VPS13A: variants seen among roughly 807,000 people sequenced by gnomAD.
The protein encoded by VPS13A is intermembrane lipid transfer protein VPS13A.
In VPS13A, 264 loss-of-function variants were observed where a neutral mutation model predicts 390.9. The observed-to-expected ratio is 0.68, with a 90% CI of 0.61 to 0.75. The LOEUF is 0.75. Among genes scored for constraint, VPS13A ranks in the 30% least tolerant of loss-of-function variants. The probability of loss-of-function intolerance (pLI) is 0.00; values close to 1 mark genes in which losing one functional copy is unlikely to be tolerated. For synonymous variants in VPS13A, 1,231 were observed against 1,227.1 expected (o/e 1.00, Z -0.07); for missense variants, 3,409 against 3,733.9 (o/e 0.91, Z 2.27).
intron 17 of VPS13A, among the ~76,000 whole-genome samples, chr9:77,231,118 A>G (rs1823807078): frequency 6.6e-6 from 1 of 152,102 alleles, no homozygotes; most frequent in East Asian, 1.9e-4. Context: ...CATTAGTTCA[A>G]TGAGTTTTTT....
chr9:77,270,001 A>G (rs947110981), intron 23 of VPS13A, among the ~76,000 whole-genome samples: 8 of 152,214 alleles, frequency 5.3e-5, no homozygotes. Context: ...GGTCATCTGC[A>G]AGTTAACGAT....
rs1351726259 is a variant in VPS13A, at chr9:77,400,061, TAATAC to T, written c.9190-3170_9190-3166del. Among the ~76,000 whole-genome samples the T allele has an allele frequency of 2.0e-5, 3 of 152,158 alleles. No homozygotes were observed. In the South Asian group the frequency reaches 6.2e-4, roughly 32 times the overall value. Reference sequence around the variant, plus strand: ...AATGAATATTTAGATTTTGTGCTTTTAATACAATATTGCTGTGAAGATTCTTATAT... The same window carrying T: ...AATGAATATTTAGATTTTGTGCTTTTAATATTGCTGTGAAGATTCTTATAT... On this transcript the variant is annotated intron_variant, in intron 68 of 71. Transcript: ENST00000360280.
intron 68 of VPS13A, among the ~76,000 whole-genome samples, chr9:77,402,076 T>C (rs1268967271): frequency 6.6e-6 from 1 of 152,186 alleles, no homozygotes; most frequent in Non-Finnish European, 1.5e-5. Context: ...ATATTATTTT[T>C]TTCTGAATCT....
chr9:77,188,522 G>A (rs1824481623), intron 1 of VPS13A, among the ~76,000 whole-genome samples: 1 of 152,202 alleles, frequency 6.6e-6, no homozygotes, highest in Admixed American at 6.5e-5. Flanking sequence ...ACTGTTGACA[G>A]ACATCTATGT....
chr9:77,184,435 A>G (rs1824206275), intron 1 of VPS13A, among the ~76,000 whole-genome samples: 1 of 152,140 alleles, frequency 6.6e-6, no homozygotes, highest in South Asian at 2.1e-4. Flanking sequence ...CCTGGCCAAC[A>G]TGGTGAGACC....
At chr9:77,343,028 G>C (rs527420669) in intron 50 of VPS13A, among the ~76,000 whole-genome samples, 7 of 152,296 alleles carry the variant, frequency 4.6e-5, no homozygotes, top group Non-Finnish European at 7.4e-5. Context: ...TTCACTTTTT[G>C]TGAAGTGACT....
chr9:77,259,363 C>T (rs929991330), intron 22 of VPS13A, among the ~76,000 whole-genome samples: 6 of 152,232 alleles, frequency 3.9e-5, no homozygotes, highest in African/African-American at 1.4e-4. Context: ...ACTACTACTA[C>T]GCTTGTGATT....
At chr9:77,268,285 C>T (rs1826149421) in intron 23 of VPS13A, among the ~76,000 whole-genome samples, 1 of 152,120 alleles carries the variant, frequency 6.6e-6, no homozygotes, top group African/African-American at 2.4e-5. Flanking sequence ...GTGTAGGCAC[C>T]CGAGGGAATC....
At chr9:77,352,661 T>G (rs1444881861) in intron 53 of VPS13A, among the ~76,000 whole-genome samples, 1 of 152,176 alleles carries the variant, frequency 6.6e-6, no homozygotes, top group Non-Finnish European at 1.5e-5. Flanking sequence ...TAAGTTAGTC[T>G]TCTTGATTCT....
intron 27 of VPS13A, among the ~76,000 whole-genome samples, chr9:77,281,338 TGTTA>T (rs1418990389): frequency 3.3e-5 from 5 of 152,310 alleles, no homozygotes; most frequent in African/African-American, 7.2e-5. Flanking sequence ...GTGACAGATA[TGTTA>T]GTTAGCTTAA....
intron 27 of VPS13A, among the ~76,000 whole-genome samples, chr9:77,280,524 G>T (rs1383005857): frequency 6.6e-6 from 1 of 151,818 alleles, no homozygotes; most frequent in Non-Finnish European, 1.5e-5. Context: ...ACACTTTTTA[G>T]TCTTGTTAGA....
intron 1 of VPS13A, among the ~76,000 whole-genome samples, 167 bp from the exon 2 acceptor site, chr9:77,199,776 CTA>C (rs1825216208): frequency 6.6e-6 from 1 of 151,924 alleles, no homozygotes; most frequent in Non-Finnish European, 1.5e-5. Flanking sequence ...CTCTGTTAGA[CTA>C]TGTAGAAGAA....
chr9:77,382,445 G>A, intron 68 of VPS13A: 1 of 1,388,878 alleles, frequency 7.2e-7, no homozygotes, highest in Non-Finnish European at 9.3e-7. Flanking sequence ...AATGAATCTG[G>A]TTTTTTTATA....
chr9:77,242,237 ATC>A (rs1554870299), intron 19 of VPS13A, among the ~76,000 whole-genome samples: 1 of 152,122 alleles, frequency 6.6e-6, no homozygotes, highest in Non-Finnish European at 1.5e-5. Flanking sequence ...GAGATATACT[ATC>A]TGTCATTTTC....
intron 46 of VPS13A, among the ~76,000 whole-genome samples, chr9:77,333,316 T>C (rs1028012579): frequency 7.2e-5 from 11 of 152,188 alleles, no homozygotes; most frequent in Non-Finnish European, 1.3e-4. Flanking sequence ...TAATCCATCT[T>C]AATGAGAATT....
In VPS13A at chr9:77,317,608, T is replaced by G; in HGVS notation, c.4866T>G (p.Val1622=). The G allele has an allele frequency of 6.3e-7, 1 of 1,598,858 alleles. No individual in the cohort carries two copies. The part of the protein sequence containing the change: ...PVKRKGKITT[V]LQPCDLFYQT... ...TGGTATTGATTTTTCTCTCATAGGT[T>G]TTGCAGCCCTGTGACTTGTTTTATC... is the stretch of plus-strand genomic sequence containing the variant. Residue 1622 remains valine (V), a splice_region_variant and synonymous_variant, in exon 40 of 72, where the codon GTT becomes GTG. Coordinates refer to ENST00000360280, the MANE Select transcript of VPS13A (RefSeq NM_033305.3).
At chr9:77,319,139 T>C (rs1417283243) in intron 41 of VPS13A, among the ~76,000 whole-genome samples, 2 of 148,170 alleles carry the variant, frequency 1.3e-5, no homozygotes, top group African/African-American at 5.0e-5. Context: ...GAGGCTGTGG[T>C]GAGCTGAGAT....
At chr9:77,254,043 A>T (rs1452792598) in intron 22 of VPS13A, among the ~76,000 whole-genome samples, 1 of 140,902 alleles carries the variant, frequency 7.1e-6, no homozygotes, top group Non-Finnish European at 1.5e-5. Context: ...CCCAGGGTTC[A>T]CACCATTCTC....
chr9:77,362,323 T>G (rs1053670247), intron 59 of VPS13A, among the ~76,000 whole-genome samples: 2 of 152,216 alleles, frequency 1.3e-5, no homozygotes, highest in African/African-American at 4.8e-5. Flanking sequence ...CATTTTTGTA[T>G]ATGATGTATA....
Sources: gnomAD v4.1 joint callset for allele counts (sites outside exome capture counted in the v4.1 genomes callset) on GRCh38, gnomAD v4.1.1 for gene constraint, MANE v1.5 for transcripts, NCBI Gene and HGNC (gene_info 2026-07-23, HGNC 2026-07-21) for gene names.